ZNF445: variants seen among roughly 807,000 people sequenced by gnomAD.
ZNF445 encodes zinc finger protein 168.
A neutral mutation model predicts 93.9 loss-of-function variants in ZNF445; 19 were observed. That is an observed-to-expected ratio of 0.20 (90% CI 0.14 to 0.30). The LOEUF (loss-of-function observed/expected upper bound fraction) is 0.30. Among genes scored for constraint, ZNF445 ranks in the 10% least tolerant of loss-of-function variants. ZNF445 has a pLI of 1.00. For missense variants in ZNF445, 1,058 were observed against 1,259.4 expected (o/e 0.84, Z 2.42); for synonymous variants, 449 against 446.3 (o/e 1.01, Z -0.08).
Position 44,440,645 on chromosome 3 carries a change from G to A in ZNF445, c.*5930C>T, listed in dbSNP as rs976683778. 1.3e-5 allele frequency: 2 copies of A among 152,126 alleles called. No homozygotes were observed. Among genetic ancestry groups the A allele is most frequent in the African/African-American group, 4.8e-5 (2 of 41,408 alleles). 9.4% of individuals were successfully genotyped at this position (152,126 alleles called of 1,614,324 possible). ...ATCCAGTCCCCAAGAGAGAGTTCTT[G>A]GACCTTGCTCAAGAAAAGAATTCGG... On this transcript the variant is annotated 3_prime_UTR_variant, in exon 8 of 8. Coordinates refer to ENST00000396077, the MANE Select transcript of ZNF445 (RefSeq NM_181489.6).
intron 1 of ZNF445, among the ~76,000 whole-genome samples, chr3:44,465,211 TA>T (rs1165472241): frequency 1.3e-5 from 2 of 152,192 alleles, no homozygotes; most frequent in Non-Finnish European, 2.9e-5. Context: ...GTGTTTTTGT[TA>T]AAAGATTATA....
rs746047567 is a variant in ZNF445 at position 44,446,908 on chromosome 3, T to C, written c.2763A>G (p.Ala921=). Residue 921 remains alanine (A), a synonymous_variant, in exon 8 of 8, where the codon GCA becomes GCG. Coordinates refer to ENST00000396077, the MANE Select transcript of ZNF445 (RefSeq NM_181489.6). The surrounding 1 kb of genome is among the most constrained non-coding windows in gnomAD (Gnocchi z 4.2). The stretch of plus-strand genomic sequence containing the variant: ...CAGGCGGGCTACGTTCAGCCTGTGC[T>C]GCTCTGGTGTGTTTCCTCTGGTGAC... ...LSSHQRKHTR[A]AQAERSPPAR... 1 of 1,614,236 alleles carries C rather than the reference T, an allele frequency of 6.2e-7. No individual in the cohort carries two copies. The highest frequency in any genetic ancestry group is 8.5e-7 in the Non-Finnish European group (1 of 1,180,044).
rs1448670561 is a variant in ZNF445 at position 44,455,167 on chromosome 3, G to A, written c.383C>T (p.Ala128Val). 3.7e-6 allele frequency: 6 copies of A among 1,613,966 alleles called. No individual in the cohort carries two copies. Among genetic ancestry groups the A allele is most frequent in the African/African-American group, 2.7e-5 (2 of 74,880 alleles). The stretch of plus-strand genomic sequence containing the variant: ...GTCCCTCTGCAGCTCCTCCAGCAAG[G>A]CCACAGCCTCCTCGCCACTCTCAGG... ...HNPESGEEAV[A>V]LLEELQRDLD... The change falls in exon 3 of 8, where the codon GCC becomes GTC. Residue 128 changes from alanine (A) to valine (V), a missense_variant. Transcript: ENST00000396077.
At chr3:44,457,959 G>A (rs924597651) in intron 2 of ZNF445, among the ~76,000 whole-genome samples, 6 of 138,388 alleles carry the variant, frequency 4.3e-5, no homozygotes, top group Non-Finnish European at 9.0e-5. Context: ...GTTACAGTGA[G>A]CCAAGATCAC....
At chr3:44,466,350 C>T (rs1698194837) in intron 1 of ZNF445, among the ~76,000 whole-genome samples, 1 of 152,064 alleles carries the variant, frequency 6.6e-6, no homozygotes. Flanking sequence ...ATATTAGGTC[C>T]TCTAAAGTCC....
rs368641080 is a variant in ZNF445 at position 44,437,872 on chromosome 3, T to C, written c.*8703A>G. ...GTCCCTTCTGTGGTCACCAGAAATA[T>C]GTTACAGGAAAGGGGTCCCAATTCA... On this transcript the variant is annotated 3_prime_UTR_variant, in exon 8 of 8. Transcript: ENST00000396077. The C allele has an allele frequency of 2.0e-5, 3 of 152,200 alleles. No individual in the cohort carries two copies. Among genetic ancestry groups the C allele is most frequent in the African/African-American group, 7.2e-5 (3 of 41,416 alleles). 9.4% of individuals were successfully genotyped at this position (152,200 alleles called of 1,614,324 possible). A position where few individuals can be genotyped will look rare whatever the true frequency, so the allele number is the denominator to read the frequency against.
Position 44,461,117 on chromosome 3 carries a change from G to A in ZNF445, c.-268-2753C>T, listed in dbSNP as rs572672366. Among the ~76,000 whole-genome samples, 6 of 152,320 alleles carry A rather than the reference G, an allele frequency of 3.9e-5. No individual in the cohort carries two copies. In the East Asian group the frequency reaches 7.7e-4, roughly 20 times the overall value. On this transcript the variant is annotated intron_variant, in intron 1 of 7. Transcript: ENST00000396077. ...TCTGTAGCCCCACTGCAGAGTGTCT[G>A]CATTGGTGAGTATCCTAGGCGCTGC...
chr3:44,447,384 T>G lies in ZNF445; in HGVS notation c.2287A>C (p.Lys763Gln), dbSNP rs761826530. The G allele has an allele frequency of 1.1e-5, 17 of 1,614,118 alleles. No individual in the cohort carries two copies. The Admixed American group carries it at 1.2e-4, about 11-fold the overall frequency. Residue 763 changes from lysine to glutamine, a missense_variant, in exon 8 of 8, where the codon AAA (lysine) becomes CAA (glutamine). By Grantham distance (53) the Lys-to-Gln change is moderately conservative (BLOSUM62 1). Around this residue, in one of 3 missense-constraint regions of ZNF445, gnomAD observed 387 missense variants for 475.7 expected, o/e 0.81. Coordinates refer to ENST00000396077, the MANE Select transcript of ZNF445 (RefSeq NM_181489.6). The surrounding 1 kb of genome is among the most constrained non-coding windows in gnomAD (Gnocchi z 4.7). ...QSSHSKEEPY[K>Q]CSQCGKAFRN... Reference sequence around the variant, plus strand: ...AAGGCCTTGCCACACTGGCTGCATTTGTAGGGCTCCTCTTTGGAGTGACTG... The same window carrying G: ...AAGGCCTTGCCACACTGGCTGCATTGGTAGGGCTCCTCTTTGGAGTGACTG...
intron 1 of ZNF445, among the ~76,000 whole-genome samples, chr3:44,471,306 A>G (rs76929038): frequency 0.012 from 1,818 of 152,328 alleles, 15 homozygotes; most frequent in Non-Finnish European, 0.018. Context: ...ACAGCCATCA[A>G]TCTACTCCAG....
At chr3:44,452,941 G>C (rs1697976092) in intron 3 of ZNF445, among the ~76,000 whole-genome samples, 1 of 135,380 alleles carries the variant, frequency 7.4e-6, no homozygotes, top group Non-Finnish European at 1.5e-5. Flanking sequence ...TTCGGACATA[G>C]TCTTGCTCTT....
At chr3:44,456,621 G>C (rs1206519780) in intron 2 of ZNF445, among the ~76,000 whole-genome samples, 1 of 152,106 alleles carries the variant, frequency 6.6e-6, no homozygotes, top group Non-Finnish European at 1.5e-5. Context: ...AACCACACAA[G>C]AATGCCCAAC....
chr3:44,468,551 C>A (rs777747936), intron 1 of ZNF445, among the ~76,000 whole-genome samples: 5 of 152,218 alleles, frequency 3.3e-5, no homozygotes, highest in Non-Finnish European at 7.3e-5. Flanking sequence ...TTCTGACCCT[C>A]CCTAAACTGC....
In ZNF445 at chr3:44,448,563, G is replaced by T; in HGVS notation, c.1108C>A (p.Gln370Lys). 1.2e-6 allele frequency: 2 copies of T among 1,614,002 alleles called. No individual in the cohort carries two copies. Among genetic ancestry groups the T allele is most frequent in the South Asian group, 2.2e-5 (2 of 91,068 alleles). The change falls in exon 8 of 8, where the codon CAA becomes AAA. Residue 370 changes from glutamine to lysine, a missense_variant. Transcript: ENST00000396077. Reference sequence around the variant, plus strand: ...GTCTCTTCTTTCTTAACTCTTACTTGTATGGGATTTTCACATTGATCCTTC... The same window carrying T: ...GTCTCTTCTTTCTTAACTCTTACTTTTATGGGATTTTCACATTGATCCTTC... ...RQKDQCENPI[Q>K]VRVKKEETNF...
chr3:44,443,749 C>T lies in ZNF445; in HGVS notation c.*2826G>A, dbSNP rs1468141482. ...CTAGCCTGGGTAACAGAGTGAGACTCCGTATCAAAAAAAAAAAAAAATTCA... is the reference window on the plus strand; with the variant it reads ...CTAGCCTGGGTAACAGAGTGAGACTTCGTATCAAAAAAAAAAAAAAATTCA... On this transcript the variant is annotated 3_prime_UTR_variant, in exon 8 of 8. Coordinates refer to ENST00000396077, the MANE Select transcript of ZNF445 (RefSeq NM_181489.6). The T allele has an allele frequency of 6.8e-6, 1 of 147,184 alleles. No individual in the cohort carries two copies. Among genetic ancestry groups the T allele is most frequent in the Non-Finnish European group, 1.5e-5 (1 of 66,866 alleles). The allele number at this position is 147,184 out of a possible 1,614,324, so 9.1% of individuals were successfully genotyped here.
intron 1 of ZNF445, among the ~76,000 whole-genome samples, chr3:44,460,891 C>T (rs1029657394): frequency 1.3e-5 from 2 of 152,142 alleles, no homozygotes; most frequent in Non-Finnish European, 2.9e-5. Flanking sequence ...AGCTACCTGC[C>T]CATGGTTCAG....
At position 44,455,516 on chromosome 3, in the gene ZNF445, C is replaced by A. The variant is rs146033972; in HGVS notation, c.34G>T (p.Ala12Ser). The change falls in exon 3 of 8, where the codon GCT (alanine) becomes TCT (serine). Residue 12 changes from alanine (A) to serine (S), a missense_variant. Physicochemically the swap from Ala to Ser is moderately conservative, Grantham distance 99. Coordinates refer to ENST00000396077, the MANE Select transcript of ZNF445 (RefSeq NM_181489.6). ...CGCTCCCTCGAAGACTGGGCCTGAG[C>A]TGGATAGGCAGCATGCCACCTGCCT... Reference protein sequence around the residue: ...PPGRWHAAYPAQAQSSRERGR... With the variant: ...PPGRWHAAYPSQAQSSRERGR... 2.5e-6 allele frequency: 4 copies of A among 1,607,646 alleles called. No homozygotes were observed. Among genetic ancestry groups the A allele is most frequent in the Non-Finnish European group, 3.4e-6 (4 of 1,176,866 alleles).
rs1698077834 is a variant in ZNF445 at position 44,459,501 on chromosome 3, C to T, written c.-268-1137G>A. Among the ~76,000 whole-genome samples the T allele has an allele frequency of 5.3e-5, 8 of 152,124 alleles. 1 individual carries two copies. The highest frequency in any genetic ancestry group is 5.2e-4 in the Admixed American group (8 of 15,272). On this transcript the variant is annotated intron_variant, in intron 1 of 7. Transcript: ENST00000396077. ...CAAATTCCACCATCTCTTCTTAGGG[C>T]TTGATAAGCATATTCTAAAATTCAA...
chr3:44,465,599 G>C (rs1428739925), intron 1 of ZNF445, among the ~76,000 whole-genome samples: 1 of 152,162 alleles, frequency 6.6e-6, no homozygotes, highest in Non-Finnish European at 1.5e-5. Context: ...ACTGGATAGA[G>C]ATATAAACTT....
rs751008042 is a variant in ZNF445 at position 44,447,659 on chromosome 3, G to A, written c.2012C>T (p.Pro671Leu). Residue 671 changes from proline to leucine, a missense_variant, in exon 8 of 8, where the codon CCC becomes CTC. Pro to Leu is a moderately conservative substitution (Grantham distance 98, BLOSUM62 -3). This residue lies in a region of ZNF445 where 387 missense variants were observed against 475.7 expected (regional missense o/e 0.81). Transcript: ENST00000396077. The surrounding 1 kb of genome is among the most constrained non-coding windows in gnomAD (Gnocchi z 4.7). ...TTTCTCCACAGCGGGAGCACCCTGG[G>A]GCTGACTGCAGTCAGGAGATTGCCT... The part of the protein sequence containing the change: ...GFRQSPDCSQ[P>L]QGAPAVEKTF... 3.1e-6 allele frequency: 5 copies of A among 1,613,990 alleles called. No homozygotes were observed. The highest frequency in any genetic ancestry group is 1.6e-4 in the Middle Eastern group (1 of 6,062).
Sources: gnomAD v4.1 joint callset for allele counts (sites outside exome capture counted in the v4.1 genomes callset) on GRCh38, gnomAD v4.1.1 for gene constraint, gnomAD v4.1.1 regional missense constraint, Gnocchi (gnomAD v3.1) non-coding constraint, MANE v1.5 for transcripts, NCBI Gene and HGNC (gene_info 2026-07-23, HGNC 2026-07-21) for gene names.